The following USP8 variants were observed in gnomAD, a reference collection of about 807,000 sequenced individuals.
USP8 encodes ubiquitin carboxyl-terminal hydrolase 8.
USP8 carries 27 observed loss-of-function variants against 130.0 expected under a neutral mutation model. The observed-to-expected ratio is 0.21, with a 90% confidence interval of 0.15 to 0.29. The LOEUF (loss-of-function observed/expected upper bound fraction) is 0.29, where lower values mean the gene tolerates loss of function less well. Ranked by LOEUF, USP8 falls within the 10% of genes least tolerant of loss-of-function variation. USP8 has a pLI of 1.00. For synonymous variants in USP8, 392 were observed against 444.1 expected (o/e 0.88, Z 1.48); for missense variants, 1,029 against 1,312.2 (o/e 0.78, Z 3.33).
chr15:50,476,011 T>C (rs1013109000), intron 8 of USP8, among the ~76,000 whole-genome samples: 18 of 152,200 alleles, frequency 1.2e-4, no homozygotes, highest in Non-Finnish European at 5.9e-5. Flanking sequence ...CTGGGAGTTT[T>C]CCTTAAGGAG....
Position 50,481,722 on chromosome 15 carries a change from A to T in USP8, c.1460A>T (p.Gln487Leu). 1 of 1,611,460 alleles carries T rather than the reference A, an allele frequency of 6.2e-7. No individual in the cohort carries two copies. The highest frequency in any genetic ancestry group is 8.5e-7 in the Non-Finnish European group (1 of 1,179,232). The change falls in exon 11 of 20, where the codon CAA becomes CTA. Residue 487 changes from glutamine to leucine, a missense_variant. By Grantham distance (113) the Gln-to-Leu change is moderately radical. Coordinates refer to ENST00000307179, the MANE Select transcript of USP8 (RefSeq NM_005154.5). The part of the protein sequence containing the change: ...KQEKELRERQ[Q>L]EEQKEKLRKE... ...GAAAAAGAACTTCGGGAAAGGCAGC[A>T]AGAGGAACAGAAAGAGAAACTGAGG...
At chr15:50,464,206 C>A (rs558162645) in intron 6 of USP8, among the ~76,000 whole-genome samples, 1 of 152,238 alleles carries the variant, frequency 6.6e-6, no homozygotes, top group Non-Finnish European at 1.5e-5. Flanking sequence ...CCAGTAAAAA[C>A]AGATGGCCAT....
chr15:50,467,537 T>C (rs1180986164), intron 7 of USP8, among the ~76,000 whole-genome samples: 1 of 152,164 alleles, frequency 6.6e-6, no homozygotes, highest in East Asian at 1.9e-4. Context: ...TAGTGATTAC[T>C]GTATTTTTTC....
chr15:50,478,704 A>T (rs2051657319), intron 10 of USP8, among the ~76,000 whole-genome samples: 1 of 152,240 alleles, frequency 6.6e-6, no homozygotes, highest in African/African-American at 2.4e-5. Flanking sequence ...GTGTCCCAAC[A>T]TAACTTTATG....
intron 4 of USP8, among the ~76,000 whole-genome samples, chr15:50,451,253 C>CA (rs1027509963): frequency 1.3e-5 from 2 of 151,914 alleles, no homozygotes; most frequent in Non-Finnish European, 1.5e-5. Context: ...ACTGAAAATG[C>CA]AAAAAAAGTT....
chr15:50,494,334 C>T (rs977608134), intron 16 of USP8, 54 bp downstream of exon 16: 4 of 1,468,090 alleles, frequency 2.7e-6, no homozygotes, highest in Non-Finnish European at 3.7e-6. Flanking sequence ...TGCTCAGTAG[C>T]ACTGTATTTT....
chr15:50,499,107 C>CTAGT lies in USP8; in HGVS notation c.*22_*25dup, dbSNP rs1236471343. 1.9e-6 allele frequency: 3 copies of CTAGT among 1,562,160 alleles called. No individual in the cohort carries two copies. In the East Asian group the frequency reaches 6.8e-5, roughly 35 times the overall value. On this transcript the variant is annotated 3_prime_UTR_variant, in exon 20 of 20. Coordinates refer to ENST00000307179, the MANE Select transcript of USP8 (RefSeq NM_005154.5). ...CACATAAGGAGACATAGGTTATAAA[C>CTAGT]TAGTTATCTTTTAAAAGGCTCAGCA... is the stretch of plus-strand genomic sequence containing the variant.
At chr15:50,452,852 CGTT>C (rs2050668759) in intron 4 of USP8, among the ~76,000 whole-genome samples, 1 of 152,114 alleles carries the variant, frequency 6.6e-6, no homozygotes, top group Admixed American at 6.6e-5. Flanking sequence ...CTATTATTTT[CGTT>C]GTTATTAACA....
At position 50,495,651 on chromosome 15, in the gene USP8, C is replaced by T. The variant is rs182620155; in HGVS notation, c.2659-197C>T. On this transcript the variant is annotated intron_variant, in intron 16 of 19. Transcript: ENST00000307179. ...TTGGGAAATTTCAACAAGTCACATTCCTTCAATAAAGTGAGTGAGTTTTTT... is the reference window on the plus strand; with the variant it reads ...TTGGGAAATTTCAACAAGTCACATTTCTTCAATAAAGTGAGTGAGTTTTTT... 7.9e-3 allele frequency among the ~76,000 whole-genome samples: 1,200 copies of T among 152,168 alleles called. 2 individuals are homozygous for T. The highest frequency in any genetic ancestry group is 0.014 in the Middle Eastern group (4 of 294).
intron 6 of USP8, among the ~76,000 whole-genome samples, chr15:50,463,899 C>T (rs1050012169): frequency 6.6e-6 from 1 of 152,218 alleles, no homozygotes; most frequent in Non-Finnish European, 1.5e-5. Context: ...TTTATTTTGA[C>T]AGATTGCTGC....
intron 1 of USP8, among the ~76,000 whole-genome samples, chr15:50,432,069 T>C (rs1025854037): frequency 2.6e-5 from 4 of 152,178 alleles, no homozygotes; most frequent in African/African-American, 9.7e-5. Context: ...TAAAGCCTTA[T>C]AGTAATTGTC....
At chr15:50,431,295 C>A (rs1007214751) in intron 1 of USP8, among the ~76,000 whole-genome samples, 2 of 151,934 alleles carry the variant, frequency 1.3e-5, no homozygotes, top group Non-Finnish European at 2.9e-5. Context: ...TCCATAGTAT[C>A]ATTCCCTTGT....
Position 50,476,842 on chromosome 15 carries a change from T to C in USP8, c.850-7T>C. On this transcript the variant is annotated splice_polypyrimidine_tract_variant and splice_region_variant and intron_variant, in intron 8 of 19. Transcript: ENST00000307179. ...CCCTATTTAAAATATGATTTCCTTA[T>C]TTATAGTGGGAAAGTAAAACTGTCC... The C allele has an allele frequency of 6.5e-7, 1 of 1,546,406 alleles. No individual in the cohort carries two copies. Among genetic ancestry groups the C allele is most frequent in the Middle Eastern group, 1.7e-4 (1 of 5,810 alleles).
chr15:50,446,091 A>G (rs905002683), intron 3 of USP8, among the ~76,000 whole-genome samples: 2 of 152,156 alleles, frequency 1.3e-5, no homozygotes, highest in Non-Finnish European at 2.9e-5. Flanking sequence ...ATAATTCTTC[A>G]TTGGTAAACC....
chr15:50,484,653 A>G (rs1484447696), intron 12 of USP8, among the ~76,000 whole-genome samples: 1 of 152,262 alleles, frequency 6.6e-6, no homozygotes, highest in East Asian at 1.9e-4. Flanking sequence ...TTCAGGGTAT[A>G]TACCCAAAAG....
chr15:50,505,452 G>A lies in USP8; in HGVS notation c.*6364G>A, dbSNP rs1397617182. 3 of 152,156 alleles carry A rather than the reference G, an allele frequency of 2.0e-5. No individual in the cohort carries two copies. Among genetic ancestry groups the A allele is most frequent in the Admixed American group, 2.0e-4 (3 of 15,268 alleles). 9.4% of individuals were successfully genotyped at this position (152,156 alleles called of 1,614,324 possible). ...CATCCAAGAATGAAAGTGAATTAAAGACTTCTCAAAGACTGAGAGACTTCA... is the reference window on the plus strand; with the variant it reads ...CATCCAAGAATGAAAGTGAATTAAAAACTTCTCAAAGACTGAGAGACTTCA... On this transcript the variant is annotated 3_prime_UTR_variant, in exon 20 of 20. Coordinates refer to ENST00000307179, the MANE Select transcript of USP8 (RefSeq NM_005154.5).
chr15:50,462,404 T>C, intron 6 of USP8, 82 bp downstream of exon 6: 2 of 1,256,948 alleles, frequency 1.6e-6, no homozygotes, highest in Non-Finnish European at 2.2e-6. Flanking sequence ...TTTTATACAA[T>C]GAGATTCTTA....
chr15:50,484,417 C>T, intron 12 of USP8, 56 bp downstream of exon 12: 1 of 1,351,540 alleles, frequency 7.4e-7, no homozygotes, highest in Non-Finnish European at 1.0e-6. Flanking sequence ...TGGATTATAA[C>T]TATGTGATTA....
At chr15:50,467,015 C>A in intron 7 of USP8, 1 of 536,086 alleles carries the variant, frequency 1.9e-6, no homozygotes, top group Non-Finnish European at 3.3e-6. Context: ...TTGACTTGCA[C>A]ATCCTTTCTG....
Sources: allele counts gnomAD v4.1 joint callset (sites outside exome capture counted in the v4.1 genomes callset), GRCh38; gene constraint gnomAD v4.1.1; transcripts MANE v1.5; gene names NCBI Gene and HGNC (gene_info 2026-07-23, HGNC 2026-07-21).